CHCHD3: variants seen among roughly 807,000 people sequenced by gnomAD.
CHCHD3 encodes the protein coiled-coil-helix-coiled-coil-helix domain containing 3.
A neutral mutation model predicts 38.2 loss-of-function variants in CHCHD3; 20 were observed. The observed-to-expected ratio is 0.52, with a 90% CI of 0.37 to 0.76. The LOEUF is 0.76. Ranked by LOEUF, CHCHD3 falls within the 30% of genes least tolerant of loss-of-function variation. The pLI is 0.00. For synonymous variants in CHCHD3, 82 were observed against 100.0 expected, an observed-to-expected ratio of 0.82 and a Z score of 1.07; for missense variants, 245 against 279.2, an observed-to-expected ratio of 0.88 and a Z score of 0.87.
chr7:132,995,311 C>A (rs1345674036), intron 3 of CHCHD3, among the ~76,000 whole-genome samples: 1 of 152,134 alleles, frequency 6.6e-6, no homozygotes, highest in African/African-American at 2.4e-5. Flanking sequence ...AGTAAACACC[C>A]ATGAAGCCAT....
At chr7:132,912,081 A>G (rs1809966172) in intron 4 of CHCHD3, among the ~76,000 whole-genome samples, 1 of 152,212 alleles carries the variant, frequency 6.6e-6, no homozygotes, top group South Asian at 2.1e-4. Flanking sequence ...AACTACTCAC[A>G]ATATCCTATC....
chr7:132,893,645 C>T (rs1482622395), intron 4 of CHCHD3, among the ~76,000 whole-genome samples: 1 of 152,210 alleles, frequency 6.6e-6, no homozygotes, highest in Non-Finnish European at 1.5e-5. Context: ...CCATAATCTC[C>T]ACGTGTCAAG....
chr7:132,858,719 T>C (rs1808406918), intron 5 of CHCHD3, among the ~76,000 whole-genome samples: 1 of 152,192 alleles, frequency 6.6e-6, no homozygotes, highest in Admixed American at 6.5e-5. Context: ...CCATATCCCA[T>C]CAAATCACTC....
intron 4 of CHCHD3, chr7:132,973,807 G>A (rs1811672576): frequency 2.7e-6 from 3 of 1,103,232 alleles, no homozygotes; most frequent in Non-Finnish European, 3.3e-6. Flanking sequence ...GAAAGTTTTA[G>A]TGTTTCCCAA....
At chr7:132,992,072 G>C (rs1392412098) in intron 3 of CHCHD3, among the ~76,000 whole-genome samples, 1 of 152,110 alleles carries the variant, frequency 6.6e-6, no homozygotes, top group Non-Finnish European at 1.5e-5. Context: ...TCATAGCTGG[G>C]TCCCTACTAG....
chr7:133,066,799 T>A (rs116122623), intron 2 of CHCHD3, among the ~76,000 whole-genome samples: 1,565 of 152,226 alleles, frequency 0.01, 31 homozygotes, highest in African/African-American at 0.036. Context: ...ACATTTTCTC[T>A]CCTTCCACTC....
At chr7:132,984,307 C>T (rs1417576406) in intron 3 of CHCHD3, among the ~76,000 whole-genome samples, 2 of 151,816 alleles carry the variant, frequency 1.3e-5, no homozygotes, top group African/African-American at 2.4e-5. Context: ...GCGAGTGATC[C>T]GCCAGCCTCG....
intron 4 of CHCHD3, chr7:132,972,639 T>C: frequency 1.0e-6 from 1 of 985,400 alleles, no homozygotes; most frequent in Non-Finnish European, 1.2e-6. Flanking sequence ...CATGTTGCTG[T>C]GGCCATGGCA....
intron 7 of CHCHD3, among the ~76,000 whole-genome samples, chr7:132,789,361 C>T (rs368093501): frequency 2.0e-5 from 3 of 152,314 alleles, no homozygotes; most frequent in African/African-American, 7.2e-5. Context: ...TTATAAACAG[C>T]TGGGTAAATC....
intron 6 of CHCHD3, among the ~76,000 whole-genome samples, chr7:132,813,261 CAT>C (rs1159313028): frequency 3.9e-5 from 6 of 152,224 alleles, no homozygotes; most frequent in Admixed American, 2.0e-4. Flanking sequence ...CCAAACTACA[CAT>C]GTTCTTAACA....
intron 5 of CHCHD3, among the ~76,000 whole-genome samples, chr7:132,857,410 T>C (rs1017655532): frequency 1.3e-5 from 2 of 152,102 alleles, no homozygotes; most frequent in African/African-American, 4.8e-5. Context: ...GCCTATTTTA[T>C]ATATTTATTT....
chr7:133,047,036 T>C (rs573775535), intron 2 of CHCHD3, among the ~76,000 whole-genome samples: 56 of 152,306 alleles, frequency 3.7e-4, no homozygotes, highest in Middle Eastern at 3.4e-3. Context: ...AATCACTTAA[T>C]CTCTCATAGC....
In CHCHD3 at chr7:133,000,148, C is replaced by T. The variant is rs574300872; in HGVS notation, c.251+24398G>A. 1.9e-4 allele frequency among the ~76,000 whole-genome samples: 29 copies of T among 152,244 alleles called. No homozygotes were observed. The South Asian group carries it at 5.4e-3, about 28-fold the overall frequency. ...ATACATTTGCCAATGACAGGTAATA[C>T]TCTTCGTTCAATATGAGACCTTAAT... On this transcript the variant is annotated intron_variant, in intron 3 of 7. Coordinates refer to ENST00000262570, the MANE Select transcript of CHCHD3 (RefSeq NM_017812.4).
At chr7:132,857,103 G>C (rs1808359161) in intron 5 of CHCHD3, among the ~76,000 whole-genome samples, 1 of 152,166 alleles carries the variant, frequency 6.6e-6, no homozygotes, top group African/African-American at 2.4e-5. Flanking sequence ...TATTCCACAA[G>C]AATAATACAC....
chr7:132,994,654 T>C (rs1407488337), intron 3 of CHCHD3, among the ~76,000 whole-genome samples: 1 of 152,138 alleles, frequency 6.6e-6, no homozygotes, highest in Non-Finnish European at 1.5e-5. Context: ...AAGAATCAAA[T>C]TTTATATCAT....
intron 3 of CHCHD3, among the ~76,000 whole-genome samples, chr7:132,984,827 C>T (rs1178477384): frequency 3.0e-5 from 4 of 132,026 alleles, no homozygotes; most frequent in Non-Finnish European, 6.6e-5. Context: ...CTCCGCCCGG[C>T]AGCCACCCGG....
intron 5 of CHCHD3, among the ~76,000 whole-genome samples, chr7:132,865,303 C>G (rs892091998): frequency 6.6e-6 from 1 of 152,188 alleles, no homozygotes; most frequent in Non-Finnish European, 1.5e-5. Flanking sequence ...ATAACAAAGG[C>G]TTTTCCTGTT....
At chr7:132,872,872 G>A (rs533959174) in intron 5 of CHCHD3, among the ~76,000 whole-genome samples, 46 of 152,134 alleles carry the variant, frequency 3.0e-4, no homozygotes, top group Middle Eastern at 3.4e-3. Context: ...TAGGGAGGCC[G>A]AGGCAGGTAG....
At chr7:133,009,191 C>G (rs1812790568) in intron 3 of CHCHD3, among the ~76,000 whole-genome samples, 1 of 151,700 alleles carries the variant, frequency 6.6e-6, no homozygotes, top group African/African-American at 2.4e-5. Context: ...TGTGACACCC[C>G]ATCTCTATTA....
Sources: gnomAD v4.1 joint callset for allele counts (sites outside exome capture counted in the v4.1 genomes callset) on GRCh38, gnomAD v4.1.1 for gene constraint, MANE v1.5 for transcripts, NCBI Gene and HGNC (gene_info 2026-07-23, HGNC 2026-07-21) for gene names.